The following IQSEC3 variants were observed in gnomAD, a reference collection of about 807,000 sequenced individuals.
IQSEC3 encodes IQ motif and Sec7 domain ArfGEF 3.
A neutral mutation model predicts 105.4 loss-of-function variants in IQSEC3; 50 were observed. The ratio of observed to expected loss-of-function variants is 0.47; its 90% CI spans 0.38 to 0.60. The LOEUF is 0.60. IQSEC3 is among the 20% of genes least tolerant of loss of function. IQSEC3 has a pLI of 0.00. For missense variants in IQSEC3, 1,415 were observed against 1,630.0 expected (o/e 0.87, Z 2.27); for synonymous variants, 708 against 746.0 (o/e 0.95, Z 0.83).
intron 2 of IQSEC3, among the ~76,000 whole-genome samples, chr12:112,598 A>T (rs1194750911): frequency 1.3e-5 from 2 of 152,190 alleles, no homozygotes; most frequent in African/African-American, 4.8e-5. Context: ...TAGACAAGGC[A>T]CAAGGCATCC....
chr12:72,495 G>A (rs1863357719), intron 1 of IQSEC3, among the ~76,000 whole-genome samples: 1 of 139,046 alleles, frequency 7.2e-6, no homozygotes, highest in Non-Finnish European at 1.6e-5. Flanking sequence ...AGTGGCCCTG[G>A]GCACAGGGCA....
intron 5 of IQSEC3, among the ~76,000 whole-genome samples, chr12:154,342 A>G (rs7312692): frequency 0.11 from 16,305 of 152,210 alleles, 1,239 homozygotes; most frequent in African/African-American, 0.22. Flanking sequence ...CTGCCCCCAC[A>G]GTGCCCTGGG....
In IQSEC3 at chr12:175,391, G is replaced by A. The variant is rs1303883019; in HGVS notation, c.*358G>A. 2 of 228,956 alleles carry A rather than the reference G, an allele frequency of 8.7e-6. No individual in the cohort carries two copies. Among genetic ancestry groups the A allele is most frequent in the Non-Finnish European group, 1.7e-5 (2 of 118,166 alleles). The allele number at this position is 228,956 out of a possible 1,614,324, so 14.2% of individuals were successfully genotyped here. A position where few individuals can be genotyped will look rare whatever the true frequency, so the allele number is the denominator to read the frequency against. ...CAGGCTTTGAGTCTGTTAGTGCCCG[G>A]GGCCTCGGGCCTTGGGCAGCAGCAT... is the stretch of plus-strand genomic sequence containing the variant. On this transcript the variant is annotated 3_prime_UTR_variant, in exon 14 of 14. Coordinates refer to ENST00000538872, the MANE Select transcript of IQSEC3 (RefSeq NM_001170738.2).
chr12:129,578 T>C (rs1164328638), intron 3 of IQSEC3, among the ~76,000 whole-genome samples: 4 of 148,464 alleles, frequency 2.7e-5, no homozygotes, highest in Non-Finnish European at 6.0e-5. Context: ...GGAGTGAGCA[T>C]GCAGGTCCCT....
chr12:98,671 T>C lies in IQSEC3; in HGVS notation c.555-475T>C, dbSNP rs74536489. Among the ~76,000 whole-genome samples, 409 of 152,334 alleles carry C rather than the reference T, an allele frequency of 2.7e-3. 2 individuals carry two copies. The highest frequency in any genetic ancestry group is 0.024 in the East Asian group (126 of 5,190). On this transcript the variant is annotated intron_variant, in intron 1 of 13. Transcript: ENST00000538872. ...AGCTGGCAACACTGAAGTCCCTGTA[T>C]GAATGTTTTGTATCTTTGTATATGA...
At chr12:160,046 T>C (rs542428845) in intron 7 of IQSEC3, among the ~76,000 whole-genome samples, 1 of 152,316 alleles carries the variant, frequency 6.6e-6, no homozygotes, top group Non-Finnish European at 1.5e-5. Flanking sequence ...TCAATGTTCC[T>C]CTTTTATAGC....
chr12:105,898 C>G (rs1864631614), intron 2 of IQSEC3, among the ~76,000 whole-genome samples: 1 of 152,294 alleles, frequency 6.6e-6, no homozygotes, highest in African/African-American at 2.4e-5. Context: ...CCTAGGCTGT[C>G]GCCAGAGGGT....
In IQSEC3 at chr12:66,963, C is replaced by T. The variant is rs1555065464; in HGVS notation, c.81C>T (p.Ser27=). 1.3e-6 allele frequency: 2 copies of T among 1,532,376 alleles called. No homozygotes were observed. The highest frequency in any genetic ancestry group is 1.7e-4 in the Middle Eastern group (1 of 5,840). 94.9% of individuals were successfully genotyped at this position (1,532,376 alleles called of 1,614,324 possible). ...ELTAIVQNQQ[S]LIHTQRERID... ...CGGCCATCGTGCAGAACCAGCAGAGCCTCATCCACACCCAGCGAGAGCGTA... is the reference window on the plus strand; with the variant it reads ...CGGCCATCGTGCAGAACCAGCAGAGTCTCATCCACACCCAGCGAGAGCGTA... Residue 27 remains serine (S), a synonymous_variant, in exon 1 of 14, where the codon AGC becomes AGT. Coordinates refer to ENST00000538872, the MANE Select transcript of IQSEC3 (RefSeq NM_001170738.2).
chr12:67,282 A>G lies in IQSEC3; in HGVS notation c.400A>G (p.Thr134Ala). The G allele has an allele frequency of 6.3e-7, 1 of 1,597,752 alleles. No homozygotes were observed. The highest frequency in any genetic ancestry group is 1.3e-5 in the African/African-American group (1 of 74,976). The change falls in exon 1 of 14, where the codon ACA becomes GCA. Residue 134 changes from threonine (T) to alanine (A), a missense_variant. Thr to Ala is a moderately conservative substitution (Grantham distance 58, BLOSUM62 0). Transcript: ENST00000538872. ...PQRGPGSRAH[T>A]PQSPHKHLGT... ...GCGGGGCCCTGGCAGCAGGGCTCAC[A>G]CACCCCAGTCGCCCCACAAGCATCT... is the stretch of plus-strand genomic sequence containing the variant.
In IQSEC3 at chr12:155,586, C is replaced by T. The variant is rs183563029; in HGVS notation, c.2154-1439C>T. Among the ~76,000 whole-genome samples the T allele has an allele frequency of 3.9e-5, 6 of 152,314 alleles. No individual in the cohort carries two copies. In the East Asian group the frequency reaches 1.2e-3, roughly 29 times the overall value. Reference sequence around the variant, plus strand: ...CAGGCCCTGACCACCTCCACTGTGGCGTCTCCCCTTGTTTTCTCCTAAAAA... The same window carrying T: ...CAGGCCCTGACCACCTCCACTGTGGTGTCTCCCCTTGTTTTCTCCTAAAAA... On this transcript the variant is annotated intron_variant, in intron 5 of 13. Coordinates refer to ENST00000538872, the MANE Select transcript of IQSEC3 (RefSeq NM_001170738.2).
In IQSEC3 at chr12:72,248, G is replaced by A. The variant is rs1261746562; in HGVS notation, c.554+4812G>A. Among the ~76,000 whole-genome samples, 41 of 152,054 alleles carry A rather than the reference G, an allele frequency of 2.7e-4. No individual in the cohort carries two copies. The East Asian group carries it at 2.7e-3, about 10-fold the overall frequency. On this transcript the variant is annotated intron_variant, in intron 1 of 13. Coordinates refer to ENST00000538872, the MANE Select transcript of IQSEC3 (RefSeq NM_001170738.2). ...TCCTGCTGATTCAGCAAATCTCTGC[G>A]CAGCCCGAGTTTCAAAGGTCACTTA...
intron 6 of IQSEC3, 44 bp from the exon 7 acceptor site, chr12:157,484 T>C: frequency 1.6e-6 from 1 of 642,320 alleles, no homozygotes; most frequent in Non-Finnish European, 2.2e-6. Flanking sequence ...CGGGGGAGGG[T>C]GGGCGGGGGC....
At chr12:74,040 G>A (rs1283037361) in intron 1 of IQSEC3, among the ~76,000 whole-genome samples, 1 of 152,236 alleles carries the variant, frequency 6.6e-6, no homozygotes, top group Non-Finnish European at 1.5e-5. Context: ...GATGCCCCAT[G>A]GTGAGAACAA....
chr12:76,285 T>C (rs1268021260), intron 1 of IQSEC3, among the ~76,000 whole-genome samples: 1 of 152,208 alleles, frequency 6.6e-6, no homozygotes, highest in Non-Finnish European at 1.5e-5. Context: ...CCAGGCCCCT[T>C]ACCAGGCAGG....
chr12:151,705 A>T (rs1458582775), intron 5 of IQSEC3, among the ~76,000 whole-genome samples: 1 of 152,138 alleles, frequency 6.6e-6, no homozygotes, highest in Non-Finnish European at 1.5e-5. Context: ...TGACAGACTG[A>T]GCCCTGGCTG....
chr12:113,999 C>T (rs1158975958), intron 2 of IQSEC3, among the ~76,000 whole-genome samples: 2 of 152,236 alleles, frequency 1.3e-5, no homozygotes, highest in Admixed American at 1.3e-4. Flanking sequence ...CACTCACAAA[C>T]TCTATGACCT....
chr12:173,615 T>C (rs1292573675), intron 13 of IQSEC3, among the ~76,000 whole-genome samples: 2 of 152,068 alleles, frequency 1.3e-5, no homozygotes, highest in Non-Finnish European at 2.9e-5. Flanking sequence ...GTCAGCCCAA[T>C]AGAAAGATCC....
At position 175,240 on chromosome 12, in the gene IQSEC3, A is replaced by G; in HGVS notation, c.*207A>G. On this transcript the variant is annotated 3_prime_UTR_variant, in exon 14 of 14. Transcript: ENST00000538872. ...AGCTGCACCCCCTCTGCAGATCTGAAGACACACCTCACTCTCCCAGGGCCC... is the reference window on the plus strand; with the variant it reads ...AGCTGCACCCCCTCTGCAGATCTGAGGACACACCTCACTCTCCCAGGGCCC... 1.8e-6 allele frequency: 1 copy of G among 546,524 alleles called. No homozygotes were observed. The highest frequency in any genetic ancestry group is 3.2e-6 in the Non-Finnish European group (1 of 310,570). The allele number at this position is 546,524 out of a possible 1,614,324, so 33.9% of individuals were successfully genotyped here.
At chr12:174,169 C>T (rs939059819) in intron 13 of IQSEC3, among the ~76,000 whole-genome samples, 1 of 152,170 alleles carries the variant, frequency 6.6e-6, no homozygotes, top group African/African-American at 2.4e-5. Flanking sequence ...GAGGGAAAGG[C>T]TCAATAACGC....
Sources: gnomAD v4.1 joint callset for allele counts (sites outside exome capture counted in the v4.1 genomes callset) on GRCh38, gnomAD v4.1.1 for gene constraint, MANE v1.5 for transcripts, NCBI Gene and HGNC (gene_info 2026-07-23, HGNC 2026-07-21) for gene names.